PTPRD: variants seen among roughly 807,000 people sequenced by gnomAD.
The protein encoded by PTPRD is receptor-type tyrosine-protein phosphatase delta.
In PTPRD, 34 loss-of-function variants were observed where a neutral mutation model predicts 214.5. The ratio of observed to expected loss-of-function variants is 0.16; its 90% CI spans 0.12 to 0.21. The LOEUF is 0.21. PTPRD is among the 10% of genes least tolerant of loss of function. PTPRD has a pLI of 1.00. For missense variants in PTPRD, 2,545 were observed against 2,398.7 expected, an observed-to-expected ratio of 1.06 and a Z score of -1.27; for synonymous variants, 1,128 against 845.7, an observed-to-expected ratio of 1.33 and a Z score of -5.79.
rs58529453 is a variant in PTPRD at position 8,414,930 on chromosome 9, GGAGAGAGAGAGAGA to G, written c.4087-10284_4087-10271del. Among the ~76,000 whole-genome samples, 81 of 49,264 alleles carry G rather than the reference GGAGAGAGAGAGAGA, an allele frequency of 1.6e-3. 1 individual carries two copies. Among genetic ancestry groups the G allele is most frequent in the African/African-American group, 5.6e-3 (72 of 12,874 alleles). 32.3% of individuals were successfully genotyped at this position (49,264 alleles called of 152,430 possible). A position where few individuals can be genotyped will look rare whatever the true frequency, so the allele number is the denominator to read the frequency against. On this transcript the variant is annotated intron_variant, in intron 35 of 45. Coordinates refer to ENST00000381196, the MANE Select transcript of PTPRD (RefSeq NM_002839.4). The stretch of plus-strand genomic sequence containing the variant: ...GAGGGAGGGGGAGAGAGAGGGAGGG[GGAGAGAGAGAGAGA>G]GAGAGAGAGAGAGAGAGAGAGAGAG...
intron 37 of PTPRD, among the ~76,000 whole-genome samples, chr9:8,377,518 A>G (rs1245328848): frequency 6.6e-6 from 1 of 152,130 alleles, no homozygotes; most frequent in African/African-American, 2.4e-5. Context: ...GTTGGGCATT[A>G]AAAAGTATAA....
At chr9:10,541,392 A>G (rs534559006) in intron 2 of PTPRD, among the ~76,000 whole-genome samples, 1 of 152,254 alleles carries the variant, frequency 6.6e-6, no homozygotes, top group African/African-American at 2.4e-5. Flanking sequence ...CAGGACCTTT[A>G]TGTACATTAT....
chr9:9,673,535 G>C (rs1052953388), intron 7 of PTPRD, among the ~76,000 whole-genome samples: 10 of 151,602 alleles, frequency 6.6e-5, no homozygotes, highest in African/African-American at 2.4e-4. Flanking sequence ...TATTTCTGAA[G>C]AAATTACCCA....
chr9:9,478,635 A>G (rs969750251), intron 8 of PTPRD, among the ~76,000 whole-genome samples: 1 of 152,202 alleles, frequency 6.6e-6, no homozygotes, highest in Non-Finnish European at 1.5e-5. Flanking sequence ...TATCCCAAAG[A>G]GTTAGCCTTT....
At chr9:10,050,730 T>C (rs2154153484) in intron 3 of PTPRD, among the ~76,000 whole-genome samples, 1 of 152,132 alleles carries the variant, frequency 6.6e-6, no homozygotes, top group African/African-American at 2.4e-5. Flanking sequence ...CAAATATCCA[T>C]GGAACTCTCC....
chr9:9,795,873 G>A (rs1188576961), intron 5 of PTPRD, among the ~76,000 whole-genome samples: 1 of 151,946 alleles, frequency 6.6e-6, no homozygotes, highest in Non-Finnish European at 1.5e-5. Context: ...ATAACAAAAT[G>A]ATCCAAATAT....
chr9:8,833,445 C>T (rs1011169949), intron 11 of PTPRD, among the ~76,000 whole-genome samples: 11 of 151,904 alleles, frequency 7.2e-5, no homozygotes, highest in Non-Finnish European at 1.5e-4. Flanking sequence ...GTTTATTCAT[C>T]GCTTTAGTAG....
chr9:10,446,061 C>A (rs1242188246), intron 2 of PTPRD, among the ~76,000 whole-genome samples: 2 of 151,880 alleles, frequency 1.3e-5, no homozygotes, highest in East Asian at 3.9e-4. Context: ...CATTCCAGAG[C>A]GGGGAAGTAC....
chr9:8,720,616 A>G (rs923513473), intron 12 of PTPRD, among the ~76,000 whole-genome samples: 6 of 152,224 alleles, frequency 3.9e-5, no homozygotes, highest in African/African-American at 1.4e-4. Context: ...AAGAAAGCCT[A>G]ATAAAAGAAT....
intron 39 of PTPRD, among the ~76,000 whole-genome samples, chr9:8,357,714 T>G (rs1383414231): frequency 1.3e-5 from 2 of 152,314 alleles, no homozygotes; most frequent in Non-Finnish European, 2.9e-5. Context: ...TTTGCAGACT[T>G]AATCTACCTC....
chr9:10,279,664 T>C (rs1474872921), intron 3 of PTPRD, among the ~76,000 whole-genome samples: 1 of 151,284 alleles, frequency 6.6e-6, no homozygotes, highest in Non-Finnish European at 1.5e-5. Flanking sequence ...CTAGGTACTA[T>C]ATGCTAGACA....
At chr9:9,730,294 A>G (rs1371271212) in intron 7 of PTPRD, among the ~76,000 whole-genome samples, 1 of 152,144 alleles carries the variant, frequency 6.6e-6, no homozygotes, top group Admixed American at 6.6e-5. Context: ...AGGACGGCCA[A>G]ACTTGCATAA....
At chr9:8,748,803 C>G (rs1323687610) in intron 11 of PTPRD, among the ~76,000 whole-genome samples, 2 of 151,994 alleles carry the variant, frequency 1.3e-5, no homozygotes, top group Non-Finnish European at 2.9e-5. Context: ...CCCAGCTACT[C>G]GGGAGGCTGA....
chr9:9,086,829 TG>T (rs933352316), intron 10 of PTPRD, among the ~76,000 whole-genome samples: 1 of 152,138 alleles, frequency 6.6e-6, no homozygotes, highest in African/African-American at 2.4e-5. Flanking sequence ...TCTGGGGAAT[TG>T]GGCCAGTGAA....
At chr9:9,270,369 T>C (rs1942325545) in intron 9 of PTPRD, among the ~76,000 whole-genome samples, 1 of 151,360 alleles carries the variant, frequency 6.6e-6, no homozygotes, top group Non-Finnish European at 1.5e-5. Flanking sequence ...AAAGCCTCTC[T>C]GTAAATGTGG....
At chr9:8,462,189 C>T (rs1024230973) in intron 32 of PTPRD, among the ~76,000 whole-genome samples, 1 of 151,948 alleles carries the variant, frequency 6.6e-6, no homozygotes, top group African/African-American at 2.4e-5. Context: ...TTCTTCCCTT[C>T]CTCCTCACTT....
chr9:9,842,759 G>T (rs1007172538), intron 5 of PTPRD, among the ~76,000 whole-genome samples: 2 of 151,722 alleles, frequency 1.3e-5, no homozygotes, highest in African/African-American at 2.4e-5. Flanking sequence ...CATACACCAG[G>T]TGGTGGCCCA....
intron 9 of PTPRD, 76 bp from the exon 10 acceptor site, chr9:9,183,439 T>G (rs950950036): frequency 6.6e-5 from 10 of 152,022 alleles, no homozygotes; most frequent in African/African-American, 2.4e-4. Context: ...ATAAATGCTG[T>G]CACCCCATTT....
chr9:9,868,555 G>T (rs1255257597), intron 5 of PTPRD, among the ~76,000 whole-genome samples: 1 of 151,692 alleles, frequency 6.6e-6, no homozygotes, highest in Non-Finnish European at 1.5e-5. Flanking sequence ...AGCTTTCTAT[G>T]TGAATAAAAA....
Sources: allele counts gnomAD v4.1 joint callset (sites outside exome capture counted in the v4.1 genomes callset), GRCh38; gene constraint gnomAD v4.1.1; transcripts MANE v1.5; gene names NCBI Gene and HGNC (gene_info 2026-07-23, HGNC 2026-07-21).